NRXN2: variants seen among roughly 807,000 people sequenced by gnomAD.
NRXN2 encodes the protein neurexin 2.
Under a neutral mutation model 128.8 loss-of-function variants are expected in NRXN2, and 29 were observed. The observed-to-expected ratio is 0.23, with a 90% CI of 0.17 to 0.31. The LOEUF is 0.31. NRXN2 is among the 10% of genes least tolerant of loss of function. NRXN2 has a pLI of 1.00. For missense variants in NRXN2, 1,881 were observed against 2,452.6 expected, an observed-to-expected ratio of 0.77 and a Z score of 4.92; for synonymous variants, 1,098 against 1,075.2, an observed-to-expected ratio of 1.02 and a Z score of -0.41.
chr11:64,687,316 G>A (rs562878037), intron 5 of NRXN2, among the ~76,000 whole-genome samples: 5 of 152,316 alleles, frequency 3.3e-5, no homozygotes, highest in Admixed American at 2.6e-4. Context: ...GTGGTGGCGG[G>A]GGGGGAGTTT....
chr11:64,651,548 G>C lies in NRXN2; in HGVS notation c.2625C>G (p.Pro875=). The part of the protein sequence containing the change: ...MTERRFISVV[P]SNFIGHLSGL... ...CACTCAGATGCCCGATGAAGTTGGA[G>C]GGCACCACGGAGATAAACCGCCGCT... Residue 875 remains proline, a synonymous_variant, in exon 14 of 23, where the codon CCC becomes CCG. Transcript: ENST00000265459. This position sits in a 1 kb window ranked among gnomAD's most constrained non-coding sequence, Gnocchi z 5.9. 1 of 1,614,148 alleles carries C rather than the reference G, an allele frequency of 6.2e-7. No individual in the cohort carries two copies. The highest frequency in any genetic ancestry group is 8.5e-7 in the Non-Finnish European group (1 of 1,180,022).
At chr11:64,675,753 C>G (rs2051222399) in intron 7 of NRXN2, 1 of 153,546 alleles carries the variant, frequency 6.5e-6, no homozygotes, top group South Asian at 2.1e-4. Flanking sequence ...GGGCCAGTCT[C>G]CACAGTCCAC....
In NRXN2 at chr11:64,630,089, C is replaced by A. The variant is rs1212307590; in HGVS notation, c.3757+313G>T. Among the ~76,000 whole-genome samples, 1 of 152,056 alleles carries A rather than the reference C, an allele frequency of 6.6e-6. No individual in the cohort carries two copies. Among genetic ancestry groups the A allele is most frequent in the Non-Finnish European group, 1.5e-5 (1 of 67,982 alleles). ...ATCAGATTCTCCTCACCTCTACCCT[C>A]CCTCCACTTCTCCCCCCACCCCCAA... On this transcript the variant is annotated intron_variant, in intron 19 of 22. Coordinates refer to ENST00000265459, the MANE Select transcript of NRXN2 (RefSeq NM_015080.4). The surrounding 1 kb of genome is among the most constrained non-coding windows in gnomAD (Gnocchi z 4.6).
intron 5 of NRXN2, 90 bp from the exon 6 acceptor site, chr11:64,686,037 G>T: frequency 6.9e-7 from 1 of 1,449,928 alleles, no homozygotes. Context: ...CGCAGGCACT[G>T]GTCCTGGGCA....
chr11:64,607,860 G>A lies in NRXN2; in HGVS notation c.4475C>T (p.Ala1492Val), dbSNP rs1386357648. ...GACCTCCCCGGAGGCGAAGCCCGAG[G>A]CCTCGATGGGCTCCTCGCAGTCGCT... Reference protein sequence around the residue: ...DDSDCEEPIEASGFASGEVFD... With the variant: ...DDSDCEEPIEVSGFASGEVFD... Residue 1492 changes from alanine (A) to valine (V), a missense_variant, in exon 23 of 23, where the codon GCC (alanine) becomes GTC (valine). By Grantham distance (64) the Ala-to-Val change is moderately conservative (BLOSUM62 0). Around this residue, in one of 7 missense-constraint regions of NRXN2, gnomAD observed 310 missense variants for 318.2 expected, o/e 0.97. Transcript: ENST00000265459. 5 of 1,594,002 alleles carry A rather than the reference G, an allele frequency of 3.1e-6. No homozygotes were observed. The highest frequency in any genetic ancestry group is 4.3e-6 in the Non-Finnish European group (5 of 1,170,976).
chr11:64,666,367 A>G (rs990031801), intron 9 of NRXN2, among the ~76,000 whole-genome samples: 5 of 151,526 alleles, frequency 3.3e-5, no homozygotes, highest in African/African-American at 1.2e-4. Flanking sequence ...ATGCCCAGCT[A>G]ATTTTTGTAT....
At chr11:64,690,567 G>A (rs2053672337) in intron 4 of NRXN2, 91 bp from the exon 5 acceptor site, 1 of 1,162,212 alleles carries the variant, frequency 8.6e-7, no homozygotes, top group Non-Finnish European at 1.3e-6. Context: ...CTCCAGGGTG[G>A]AGGTGCTGCT....
intron 19 of NRXN2, 43 bp from the exon 20 acceptor site, chr11:64,626,595 A>C (rs766035499): frequency 7.1e-7 from 1 of 1,416,704 alleles, no homozygotes; most frequent in Non-Finnish European, 1.0e-6. Flanking sequence ...CAGGCAGCGA[A>C]GTCCAAAGGA....
rs1307138283 is a variant in NRXN2 at position 64,651,989 on chromosome 11, T to C, written c.2536+46A>G. On this transcript the variant is annotated intron_variant, in intron 13 of 22. Transcript: ENST00000265459. The surrounding 1 kb of genome is among the most constrained non-coding windows in gnomAD (Gnocchi z 5.9). ...TCACCAAGTAGAACAGGGCCAAGCA[T>C]AGGTCACTGGAGATGTGTCCACCTC... The C allele has an allele frequency of 3.1e-6, 5 of 1,604,860 alleles. No individual in the cohort carries two copies. In the South Asian group the frequency reaches 4.4e-5, roughly 14 times the overall value.
Position 64,659,804 on chromosome 11 carries a change from A to C in NRXN2, c.2389+528T>G, listed in dbSNP as rs535263476. 29 of 197,250 alleles carry C rather than the reference A, an allele frequency of 1.5e-4. No individual in the cohort carries two copies. In the East Asian group the frequency reaches 3.4e-3, roughly 23 times the overall value. 12.2% of individuals were successfully genotyped at this position (197,250 alleles called of 1,614,324 possible). ...TGGCACGTCTGTGTGTCCAGTGTACACACATGCACCTCCACACACCAACAC... is the reference window on the plus strand; with the variant it reads ...TGGCACGTCTGTGTGTCCAGTGTACCCACATGCACCTCCACACACCAACAC... On this transcript the variant is annotated intron_variant, in intron 11 of 22. Coordinates refer to ENST00000265459, the MANE Select transcript of NRXN2 (RefSeq NM_015080.4).
rs565432817 is a variant in NRXN2, at chr11:64,635,944, G to A, written c.3404-492C>T. Among the ~76,000 whole-genome samples, 10 of 152,104 alleles carry A rather than the reference G, an allele frequency of 6.6e-5. No homozygotes were observed. In the South Asian group the frequency reaches 1.7e-3, roughly 25 times the overall value. On this transcript the variant is annotated intron_variant, in intron 17 of 22. Transcript: ENST00000265459. The surrounding 1 kb of genome is among the most constrained non-coding windows in gnomAD (Gnocchi z 4.8). ...GATGAGCAGAGCTGTGTGCAGCTCT[G>A]ACTCACGGCCAGAGCTGGCGCCCTC...
Position 64,667,709 on chromosome 11 carries a change from A to C in NRXN2, c.1360-21T>G, listed in dbSNP as rs2050077617. 1 of 1,612,698 alleles carries C rather than the reference A, an allele frequency of 6.2e-7. No individual in the cohort carries two copies. Among genetic ancestry groups the C allele is most frequent in the Non-Finnish European group, 8.5e-7 (1 of 1,179,536 alleles). On this transcript the variant is annotated intron_variant, in intron 8 of 22. Transcript: ENST00000265459. This position sits in a 1 kb window ranked among gnomAD's most constrained non-coding sequence, Gnocchi z 5.6. ...ACCACCTGCAGGGAGGGGTGGGGTCAGGGATAAAGAATCCGAAAGCAGCTT... is the reference window on the plus strand; with the variant it reads ...ACCACCTGCAGGGAGGGGTGGGGTCCGGGATAAAGAATCCGAAAGCAGCTT...
Position 64,667,307 on chromosome 11 carries a change from G to A in NRXN2, c.1741C>T (p.Arg581Cys), listed in dbSNP as rs759185009. Residue 581 changes from arginine to cysteine, a missense_variant, in exon 9 of 23, where the codon CGC becomes TGC. By Grantham distance (180) the Arg-to-Cys change is radical. This residue lies in a region of NRXN2 where 997 missense variants were observed against 1,240.8 expected (regional missense o/e 0.80). Coordinates refer to ENST00000265459, the MANE Select transcript of NRXN2 (RefSeq NM_015080.4). The surrounding 1 kb of genome is among the most constrained non-coding windows in gnomAD (Gnocchi z 5.6). ...CACCACTCGCCATCATTGACCTTGCGGCTGGATGCCCGCAGCTTGATGCCC... is the reference window on the plus strand; with the variant it reads ...CACCACTCGCCATCATTGACCTTGCAGCTGGATGCCCGCAGCTTGATGCCC... ...SGGIKLRASS[R>C]KVNDGEWCHV... 5 of 1,614,194 alleles carry A rather than the reference G, an allele frequency of 3.1e-6. No individual in the cohort carries two copies. The highest frequency in any genetic ancestry group is 3.4e-6 in the Non-Finnish European group (4 of 1,180,042).
chr11:64,642,814 G>A, intron 17 of NRXN2: 13 of 1,127,638 alleles, frequency 1.2e-5, no homozygotes, highest in African/African-American at 1.7e-5. Context: ...TTCGGCCCGG[G>A]GGCGACCGCC....
Position 64,607,521 on chromosome 11 carries a change from C to A in NRXN2, c.4814G>T (p.Gly1605Val), listed in dbSNP as rs748840734. 1 of 1,585,718 alleles carries A rather than the reference C, an allele frequency of 6.3e-7. No individual in the cohort carries two copies. Among genetic ancestry groups the A allele is most frequent in the Non-Finnish European group, 8.6e-7 (1 of 1,168,910 alleles). Residue 1605 changes from glycine (G) to valine (V), a missense_variant, in exon 23 of 23, where the codon GGC (glycine) becomes GTC (valine). Physicochemically the swap from Gly to Val is moderately radical, Grantham distance 109. Transcript: ENST00000265459. ...PLRPGVTSAP[G>V]FPHLPTANPT... ...GTTGGCTGTGGGCAGATGGGGGAAG[C>A]CGGGGGCTGAGGTCACGCCGGGGCG...
rs371366016 is a variant in NRXN2, at chr11:64,607,038, C to T, written c.*158G>A. ...GACGGCAGGAGGAAGGGGGCGAGCACGGGGTTTTTCCTTTTCTTTTTTTGC... is the reference window on the plus strand; with the variant it reads ...GACGGCAGGAGGAAGGGGGCGAGCATGGGGTTTTTCCTTTTCTTTTTTTGC... On this transcript the variant is annotated 3_prime_UTR_variant, in exon 23 of 23. Transcript: ENST00000265459. 5.4e-4 allele frequency: 416 copies of T among 767,640 alleles called. 1 individual carries two copies. In the African/African-American group the frequency reaches 5.6e-3, roughly 10 times the overall value. The allele number at this position is 767,640 out of a possible 1,614,324, so 47.6% of individuals were successfully genotyped here.
chr11:64,652,770 T>C (rs2047654772), intron 12 of NRXN2, among the ~76,000 whole-genome samples: 1 of 152,090 alleles, frequency 6.6e-6, no homozygotes, highest in Admixed American at 6.5e-5. Context: ...GTACTGCCCA[T>C]AAATATGCAG....
intron 2 of NRXN2, among the ~76,000 whole-genome samples, chr11:64,711,727 G>A (rs1212103393): frequency 6.6e-6 from 1 of 152,110 alleles, no homozygotes; most frequent in Non-Finnish European, 1.5e-5. Flanking sequence ...GCTCTCAGGG[G>A]TTCCACGCCC....
At chr11:64,615,508 T>A (rs1177878703) in intron 22 of NRXN2, among the ~76,000 whole-genome samples, 1 of 152,242 alleles carries the variant, frequency 6.6e-6, no homozygotes, top group Admixed American at 6.5e-5. Context: ...CTCATTCATG[T>A]GTGCATGAGG....
Sources: allele counts gnomAD v4.1 joint callset (sites outside exome capture counted in the v4.1 genomes callset), GRCh38; gene constraint gnomAD v4.1.1; regional missense constraint gnomAD v4.1.1; non-coding constraint Gnocchi (gnomAD v3.1); transcripts MANE v1.5; gene names NCBI Gene and HGNC (gene_info 2026-07-23, HGNC 2026-07-21).